Variants in NOL4L observed in about 807,000 individuals in gnomAD.
The protein encoded by NOL4L is nucleolar protein 4-like.
In NOL4L, 7 loss-of-function variants were observed where a neutral mutation model predicts 64.5. That is an observed-to-expected ratio of 0.11 (90% confidence interval 0.06 to 0.20). NOL4L has a LOEUF of 0.20. NOL4L is among the 10% of genes least tolerant of loss of function. The pLI, the probability that NOL4L is intolerant of heterozygous loss-of-function variation, is 1.00. For synonymous variants in NOL4L, 413 were observed against 401.0 expected (o/e 1.03, Z -0.36); for missense variants, 680 against 967.1 (o/e 0.70, Z 3.94).
At chr20:32,468,154 C>A (rs1211780715) in intron 5 of NOL4L, among the ~76,000 whole-genome samples, 1 of 152,132 alleles carries the variant, frequency 6.6e-6, no homozygotes, top group Non-Finnish European at 1.5e-5. Flanking sequence ...CAAGACCATA[C>A]TTCGGGGAAG....
chr20:32,527,224 C>G (rs1400533546), intron 2 of NOL4L, among the ~76,000 whole-genome samples: 2 of 152,234 alleles, frequency 1.3e-5, no homozygotes, highest in East Asian at 1.9e-4. Context: ...TCAGCCTCCC[C>G]ACCCCAAATC....
intron 10 of NOL4L, 39 bp from the exon 11 acceptor site, chr20:32,447,855 C>T (rs1407349944): frequency 2.0e-6 from 3 of 1,515,518 alleles, no homozygotes; most frequent in African/African-American, 2.8e-5. Flanking sequence ...GAGCAGCCAC[C>T]CTGCCTGGCA....
intron 4 of NOL4L, among the ~76,000 whole-genome samples, chr20:32,489,418 G>T (rs949477724): frequency 2.0e-5 from 3 of 151,768 alleles, no homozygotes; most frequent in Admixed American, 2.0e-4. Context: ...GCAGTGGCAT[G>T]ATCTTGGCTC....
intron 1 of NOL4L, among the ~76,000 whole-genome samples, chr20:32,559,222 G>A (rs1978848918): frequency 1.3e-5 from 2 of 152,096 alleles, no homozygotes; most frequent in East Asian, 1.9e-4. Flanking sequence ...TTTCCTCTCT[G>A]GACTCCCAGT....
intron 3 of NOL4L, among the ~76,000 whole-genome samples, chr20:32,518,566 G>T (rs532228231): frequency 6.6e-6 from 1 of 152,238 alleles, no homozygotes; most frequent in Non-Finnish European, 1.5e-5. Context: ...AGAGGGGAGC[G>T]GATGGCGCCT....
At chr20:32,488,556 C>T (rs293544) in intron 4 of NOL4L, among the ~76,000 whole-genome samples, 80,319 of 152,036 alleles carry the variant, frequency 0.53, 23,191 homozygotes, top group East Asian at 0.99. Flanking sequence ...TCTAGCAGCA[C>T]TCATTTCACT....
At chr20:32,567,530 G>A (rs1979501588) in intron 1 of NOL4L, among the ~76,000 whole-genome samples, 1 of 152,216 alleles carries the variant, frequency 6.6e-6, no homozygotes, top group South Asian at 2.1e-4. Flanking sequence ...GCTCTGGCAA[G>A]TCAGACTCAT....
intron 4 of NOL4L, 59 bp from the exon 5 acceptor site, chr20:32,474,801 C>T (rs2015275927): frequency 1.3e-6 from 2 of 1,516,916 alleles, no homozygotes; most frequent in Non-Finnish European, 8.9e-7. Context: ...CAGCCTGAGG[C>T]AGCCTTGTGG....
intron 1 of NOL4L, among the ~76,000 whole-genome samples, chr20:32,579,342 A>G (rs1980326148): frequency 6.6e-6 from 1 of 152,052 alleles, no homozygotes; most frequent in African/African-American, 2.4e-5. Context: ...ACACACACAC[A>G]TGCACGCACA....
intron 1 of NOL4L, among the ~76,000 whole-genome samples, chr20:32,566,719 GCCCT>G (rs1311270818): frequency 6.6e-6 from 1 of 152,140 alleles, no homozygotes; most frequent in Admixed American, 6.5e-5. Context: ...TCTCACTGAG[GCCCT>G]CCCTGACACC....
intron 1 of NOL4L, chr20:32,548,799 G>A (rs2018763218): frequency 1.8e-5 from 8 of 445,994 alleles, no homozygotes; most frequent in Non-Finnish European, 3.1e-5. Context: ...TCTTGCGAGA[G>A]CAGAATATCA....
chr20:32,500,777 A>G (rs2016893098), intron 4 of NOL4L, among the ~76,000 whole-genome samples: 1 of 152,010 alleles, frequency 6.6e-6, no homozygotes, highest in Admixed American at 6.6e-5. Flanking sequence ...CCAAACACCA[A>G]TGAGGTATGG....
intron 1 of NOL4L, among the ~76,000 whole-genome samples, chr20:32,583,759 C>T (rs1980674150): frequency 6.7e-6 from 1 of 149,230 alleles, no homozygotes; most frequent in African/African-American, 2.5e-5. Flanking sequence ...GACGCCCCCG[C>T]CCGGCCGCCC....
intron 1 of NOL4L, among the ~76,000 whole-genome samples, chr20:32,549,708 G>A (rs1214226705): frequency 1.3e-5 from 2 of 152,274 alleles, no homozygotes; most frequent in African/African-American, 2.4e-5. Context: ...AGCCGAGATC[G>A]CGCCATTGCA....
intron 4 of NOL4L, among the ~76,000 whole-genome samples, chr20:32,478,496 G>A (rs1054262221): frequency 6.6e-6 from 1 of 152,160 alleles, no homozygotes; most frequent in Non-Finnish European, 1.5e-5. Flanking sequence ...GTCACCTAAC[G>A]ATGACTGCTT....
intron 4 of NOL4L, among the ~76,000 whole-genome samples, chr20:32,493,686 A>C (rs1010778078): frequency 6.6e-6 from 1 of 152,328 alleles, no homozygotes; most frequent in Non-Finnish European, 1.5e-5. Flanking sequence ...TACGAAAACT[A>C]AGTAATAACT....
chr20:32,583,633 C>T (rs1413870025), intron 1 of NOL4L, among the ~76,000 whole-genome samples: 1 of 150,124 alleles, frequency 6.7e-6, no homozygotes, highest in Non-Finnish European at 1.5e-5. Flanking sequence ...TCAGCAGCGC[C>T]CCGGGAGCGG....
At chr20:32,477,483 C>A (rs994824494) in intron 4 of NOL4L, among the ~76,000 whole-genome samples, 2 of 152,274 alleles carry the variant, frequency 1.3e-5, no homozygotes, top group African/African-American at 4.8e-5. Context: ...TCTGCCCTGT[C>A]TTTCCCTGGA....
intron 1 of NOL4L, among the ~76,000 whole-genome samples, chr20:32,561,667 A>G (rs1254155153): frequency 6.6e-6 from 1 of 152,106 alleles, no homozygotes; most frequent in Non-Finnish European, 1.5e-5. Flanking sequence ...AGTGTGGAGG[A>G]GCAACAGTGA....
Sources: allele counts gnomAD v4.1 joint callset (sites outside exome capture counted in the v4.1 genomes callset), GRCh38; gene constraint gnomAD v4.1.1; transcripts MANE v1.5; gene names NCBI Gene and HGNC (gene_info 2026-07-23, HGNC 2026-07-21).